The following ST6GALNAC3 variants were observed in gnomAD, a reference collection of about 807,000 sequenced individuals.
The protein encoded by ST6GALNAC3 is ST6 N-acetylgalactosaminide alpha-2,6-sialyltransferase 3, also known as alpha-N-acetylgalactosaminide alpha-2,6-sialyltransferase 3.
A neutral mutation model predicts 32.7 loss-of-function variants in ST6GALNAC3; 25 were observed. That is an observed-to-expected ratio of 0.76 (90% CI 0.56 to 1.07). ST6GALNAC3 has a LOEUF of 1.07. Among genes scored for constraint, ST6GALNAC3 ranks in the 50% least tolerant of loss-of-function variants. ST6GALNAC3 has a pLI of 0.00. For synonymous variants in ST6GALNAC3, 129 were observed against 133.1 expected (o/e 0.97, Z 0.21); for missense variants, 355 against 382.4 (o/e 0.93, Z 0.60).
intron 1 of ST6GALNAC3, among the ~76,000 whole-genome samples, chr1:76,115,772 G>A (rs1648428065): frequency 1.3e-5 from 2 of 152,190 alleles, no homozygotes; most frequent in Admixed American, 1.3e-4. Flanking sequence ...GTCTATGTCA[G>A]TGTTTTGAAT....
intron 1 of ST6GALNAC3, among the ~76,000 whole-genome samples, chr1:76,100,784 GA>G (rs1647205513): frequency 6.7e-6 from 1 of 149,866 alleles, no homozygotes; most frequent in African/African-American, 2.5e-5. Flanking sequence ...ATTATCTGGG[GA>G]AGTCATCAGA....
In ST6GALNAC3 at chr1:76,297,167, T is replaced by G. The variant is rs545681999; in HGVS notation, c.19-16638T>G. ...AGTTGAGAAATCAGTAGATAGGAAC[T>G]AATTTGTCCAAGGTGGAGATGAGAA... On this transcript the variant is annotated intron_variant, in intron 1 of 4. Coordinates refer to ENST00000328299, the MANE Select transcript of ST6GALNAC3 (RefSeq NM_152996.4). 3.3e-3 allele frequency among the ~76,000 whole-genome samples: 508 copies of G among 152,140 alleles called. 3 individuals carry two copies. The highest frequency in any genetic ancestry group is 0.011 in the African/African-American group (476 of 41,530).
rs114554753 is a variant in ST6GALNAC3, at chr1:76,286,185, G to A, written c.19-27620G>A. On this transcript the variant is annotated intron_variant, in intron 1 of 4. Transcript: ENST00000328299. ...AGAGGAAACAGTAAGAGAGAAGAGG[G>A]CAGATGCTTCTGTTTACCAGGATTT... Among the ~76,000 whole-genome samples, 648 of 152,300 alleles carry A rather than the reference G, an allele frequency of 4.3e-3. 2 individuals carry two copies. Among genetic ancestry groups the A allele is most frequent in the African/African-American group, 0.015 (622 of 41,566 alleles).
chr1:76,267,110 G>T (rs1021196098), intron 1 of ST6GALNAC3, among the ~76,000 whole-genome samples: 3 of 152,138 alleles, frequency 2.0e-5, no homozygotes, highest in Non-Finnish European at 2.9e-5. Flanking sequence ...CAGAAATGCC[G>T]TAGGGCTTGA....
intron 3 of ST6GALNAC3, among the ~76,000 whole-genome samples, chr1:76,426,644 A>G (rs1014979745): frequency 2.0e-5 from 3 of 151,824 alleles, no homozygotes; most frequent in Non-Finnish European, 4.4e-5. Flanking sequence ...TAAAGTAAAT[A>G]CATAAGCCTA....
chr1:76,277,590 GTATA>G (rs373731545), intron 1 of ST6GALNAC3, among the ~76,000 whole-genome samples: 17 of 46,288 alleles, frequency 3.7e-4, no homozygotes, highest in African/African-American at 4.1e-4. Flanking sequence ...ATGTTTATGT[GTATA>G]TATATATATA....
intron 3 of ST6GALNAC3, among the ~76,000 whole-genome samples, chr1:76,461,010 T>C (rs1658241553): frequency 6.6e-6 from 1 of 152,232 alleles, no homozygotes; most frequent in South Asian, 2.1e-4. Flanking sequence ...GTAGGAGTAA[T>C]GCCTGTGGTC....
chr1:76,405,269 C>T (rs974722100), intron 2 of ST6GALNAC3, among the ~76,000 whole-genome samples: 15 of 152,044 alleles, frequency 9.9e-5, no homozygotes, highest in African/African-American at 3.4e-4. Flanking sequence ...GACAGGTGAC[C>T]TTTCGTACAT....
intron 3 of ST6GALNAC3, among the ~76,000 whole-genome samples, chr1:76,587,294 G>A (rs1249049882): frequency 1.3e-5 from 2 of 152,160 alleles, no homozygotes; most frequent in East Asian, 3.9e-4. Flanking sequence ...AGAACATATT[G>A]TCTGAGTCCT....
At chr1:76,397,797 G>C (rs540200905) in intron 2 of ST6GALNAC3, among the ~76,000 whole-genome samples, 1 of 151,952 alleles carries the variant, frequency 6.6e-6, no homozygotes, top group Middle Eastern at 3.2e-3. Context: ...GTATTGTTTT[G>C]TTTTGTTTTG....
intron 1 of ST6GALNAC3, among the ~76,000 whole-genome samples, chr1:76,261,684 G>A (rs1218985507): frequency 2.0e-5 from 3 of 152,196 alleles, no homozygotes; most frequent in African/African-American, 7.2e-5. Flanking sequence ...TGAAGCAGGT[G>A]CCAAACAGCA....
chr1:76,341,591 A>G (rs1391572889), intron 2 of ST6GALNAC3, among the ~76,000 whole-genome samples: 1 of 145,304 alleles, frequency 6.9e-6, no homozygotes, highest in Admixed American at 6.9e-5. Context: ...TTCTTTCAGA[A>G]ATCTCCAAAC....
intron 3 of ST6GALNAC3, among the ~76,000 whole-genome samples, chr1:76,485,989 G>C (rs929607375): frequency 7.9e-5 from 12 of 152,304 alleles, no homozygotes; most frequent in African/African-American, 2.9e-4. Flanking sequence ...GCACCCAGTA[G>C]TCATTCAGGA....
At chr1:76,528,745 A>G (rs2101814529) in intron 3 of ST6GALNAC3, among the ~76,000 whole-genome samples, 1 of 151,914 alleles carries the variant, frequency 6.6e-6, no homozygotes, top group East Asian at 1.9e-4. Context: ...GGTGGTCCAC[A>G]TATACGAGTG....
intron 3 of ST6GALNAC3, among the ~76,000 whole-genome samples, chr1:76,431,058 G>A (rs1359434299): frequency 1.3e-5 from 2 of 152,104 alleles, no homozygotes; most frequent in Non-Finnish European, 2.9e-5. Context: ...AGATTCCTGT[G>A]ATGCAGAGAT....
chr1:76,225,242 A>G (rs1655999017), intron 1 of ST6GALNAC3, among the ~76,000 whole-genome samples: 1 of 152,154 alleles, frequency 6.6e-6, no homozygotes, highest in South Asian at 2.1e-4. Context: ...TGATATTTGA[A>G]TCTTATGCCT....
At chr1:76,540,913 G>A (rs1663949872) in intron 3 of ST6GALNAC3, among the ~76,000 whole-genome samples, 1 of 152,148 alleles carries the variant, frequency 6.6e-6, no homozygotes, top group Non-Finnish European at 1.5e-5. Context: ...AAACCAATAT[G>A]TAAACAGAGA....
At chr1:76,391,144 G>A (rs185702900) in intron 2 of ST6GALNAC3, among the ~76,000 whole-genome samples, 1 of 149,162 alleles carries the variant, frequency 6.7e-6, no homozygotes, top group African/African-American at 2.4e-5. Flanking sequence ...GTTTCACCGT[G>A]TTAGCCAGGA....
intron 3 of ST6GALNAC3, among the ~76,000 whole-genome samples, chr1:76,527,872 A>G (rs1663009890): frequency 1.3e-5 from 2 of 152,152 alleles, no homozygotes; most frequent in African/African-American, 4.8e-5. Flanking sequence ...TAACGTCTCC[A>G]AAAGAAGAAA....
Sources: gnomAD v4.1 joint callset for allele counts (sites outside exome capture counted in the v4.1 genomes callset) on GRCh38, gnomAD v4.1.1 for gene constraint, MANE v1.5 for transcripts, NCBI Gene and HGNC (gene_info 2026-07-23, HGNC 2026-07-21) for gene names.